PLA2G1B: variants seen among roughly 807,000 people sequenced by gnomAD.
PLA2G1B encodes phospholipase A2 group IB.
Under a neutral mutation model 12.5 loss-of-function variants are expected in PLA2G1B, and 12 were observed. The ratio of observed to expected loss-of-function variants is 0.96; its 90% CI spans 0.62 to 1.56. PLA2G1B has a LOEUF of 1.56. Ranked by LOEUF, PLA2G1B falls within the 40% of genes most tolerant of loss-of-function variation. The probability of loss-of-function intolerance (pLI) is 0.00; values close to 1 mark genes in which losing one functional copy is unlikely to be tolerated. For synonymous variants in PLA2G1B, 81 were observed against 73.4 expected (o/e 1.10, Z -0.53); for missense variants, 189 against 186.7 (o/e 1.01, Z -0.07).
intron 2 of PLA2G1B, 44 bp from the exon 3 acceptor site, chr12:120,325,105 C>CA: frequency 1.2e-6 from 2 of 1,611,508 alleles, no homozygotes; most frequent in Non-Finnish European, 1.7e-6. Flanking sequence ...AAGTGCAGAG[C>CA]AATAGGTCAG....
chr12:120,324,986 C>G lies in PLA2G1B; in HGVS notation c.270G>C (p.Pro90=). Residue 90 remains proline (P), a synonymous_variant, in exon 3 of 4, where the codon CCG becomes CCC. Coordinates refer to ENST00000308366, the MANE Select transcript of PLA2G1B (RefSeq NM_000928.3). The stretch of plus-strand genomic sequence containing the variant: ...ACGAGTATGAATAGGTGTGGGTGTA[C>G]GGGTTGTCCAGCAGAAATTTACAGC... ...LDSCKFLLDN[P]YTHTYSYSCS... 1 of 1,613,938 alleles carries G rather than the reference C, an allele frequency of 6.2e-7. No individual in the cohort carries two copies. Among genetic ancestry groups the G allele is most frequent in the Non-Finnish European group, 8.5e-7 (1 of 1,179,942 alleles).
intron 3 of PLA2G1B, among the ~76,000 whole-genome samples, chr12:120,323,737 G>A (rs540789734): frequency 6.6e-6 from 1 of 152,148 alleles, no homozygotes; most frequent in African/African-American, 2.4e-5. Context: ...AGTGGAGCAG[G>A]AGGATGTATA....
rs567120729 is a variant in PLA2G1B at position 120,324,229 on chromosome 12, C to T, written c.322+705G>A. ...TCAGGAGGCTTAGGCAGGAGAATCGCTTGAACCCGGGAGGCAGAGGTTGCA... is the reference window on the plus strand; with the variant it reads ...TCAGGAGGCTTAGGCAGGAGAATCGTTTGAACCCGGGAGGCAGAGGTTGCA... On this transcript the variant is annotated intron_variant, in intron 3 of 3. Transcript: ENST00000308366. Among the ~76,000 whole-genome samples the T allele has an allele frequency of 9.2e-5, 14 of 152,128 alleles. No individual in the cohort carries two copies. The East Asian group carries it at 9.6e-4, about 10-fold the overall frequency.
At chr12:120,327,303 A>G (rs1224641505) in intron 1 of PLA2G1B, among the ~76,000 whole-genome samples, 1 of 152,050 alleles carries the variant, frequency 6.6e-6, no homozygotes, top group African/African-American at 2.4e-5. Flanking sequence ...CAAAAATAAA[A>G]TAAAGTAAAA....
chr12:120,323,802 A>G (rs1873284133), intron 3 of PLA2G1B, among the ~76,000 whole-genome samples: 1 of 152,208 alleles, frequency 6.6e-6, no homozygotes, highest in South Asian at 2.1e-4. Flanking sequence ...AAAAAACAGT[A>G]ACAATAAAGG....
chr12:120,326,015 C>A lies in PLA2G1B; in HGVS notation c.40G>T (p.Ala14Ser). The A allele has an allele frequency of 6.2e-7, 1 of 1,613,736 alleles. No individual in the cohort carries two copies. The highest frequency in any genetic ancestry group is 1.1e-5 in the South Asian group (1 of 91,066). Reference protein sequence around the residue: ...LVLAVLLTVAAADSGISPRAV... With the variant: ...LVLAVLLTVASADSGISPRAV... ...CGAGGGCTGATGCCGCTGTCGGCGGCGGCCACTGCAAGAAGACATAGCCAG... is the reference window on the plus strand; with the variant it reads ...CGAGGGCTGATGCCGCTGTCGGCGGAGGCCACTGCAAGAAGACATAGCCAG... Residue 14 changes from alanine to serine, a missense_variant, in exon 2 of 4, where the codon GCC (alanine) becomes TCC (serine). Coordinates refer to ENST00000308366, the MANE Select transcript of PLA2G1B (RefSeq NM_000928.3).
chr12:120,322,846 C>T (rs1186715071), intron 3 of PLA2G1B, among the ~76,000 whole-genome samples: 1 of 152,096 alleles, frequency 6.6e-6, no homozygotes, highest in East Asian at 1.9e-4. Flanking sequence ...CTCGGCCTCC[C>T]AAAGTGCTGG....
chr12:120,327,372 G>A (rs1382143999), intron 1 of PLA2G1B, among the ~76,000 whole-genome samples: 1 of 152,164 alleles, frequency 6.6e-6, no homozygotes, highest in African/African-American at 2.4e-5. Context: ...CTACTTAGTT[G>A]AGTAAGGTGG....
rs755370426 is a variant in PLA2G1B at position 120,325,986 on chromosome 12, G to A, written c.69C>T (p.Ala23=). The A allele has an allele frequency of 5.6e-6, 9 of 1,614,042 alleles. No homozygotes were observed. The East Asian group carries it at 1.1e-4, about 20-fold the overall frequency. Residue 23 remains alanine, a synonymous_variant, in exon 2 of 4, where the codon GCC becomes GCT. Coordinates refer to ENST00000308366, the MANE Select transcript of PLA2G1B (RefSeq NM_000928.3). ...AAADSGISPR[A]VWQFRKMIKC... is the part of the protein sequence containing the mutation. Reference sequence around the variant, plus strand: ...TGATCATTTTGCGGAACTGCCACACGGCCCGAGGGCTGATGCCGCTGTCGG... The same window carrying A: ...TGATCATTTTGCGGAACTGCCACACAGCCCGAGGGCTGATGCCGCTGTCGG...
At chr12:120,325,717 A>G (rs940230082) in intron 2 of PLA2G1B, 144 bp downstream of exon 2, 3 of 780,958 alleles carry the variant, frequency 3.8e-6, no homozygotes, top group East Asian at 2.7e-5. Flanking sequence ...CTCTTGGAAC[A>G]TATTTGTTTA....
At chr12:120,322,425 C>G in intron 3 of PLA2G1B, 108 bp from the exon 4 acceptor site, 1 of 973,446 alleles carries the variant, frequency 1.0e-6, no homozygotes, top group Non-Finnish European at 1.5e-6. Context: ...CACTGATGCA[C>G]ATTTAGGGCT....
intron 3 of PLA2G1B, among the ~76,000 whole-genome samples, chr12:120,323,668 G>A (rs1407693758): frequency 2.0e-5 from 3 of 152,058 alleles, no homozygotes; most frequent in African/African-American, 7.2e-5. Context: ...GTGTGTGTGT[G>A]TATTTCTCTG....
rs774536925 is a variant in PLA2G1B, at chr12:120,327,737, AGCACAAGGAGTTTCATCTT to A, written c.-3_16del. The stretch of plus-strand genomic sequence containing the variant: ...TTGCCTACCTGTGAGCAGCACAGCT[AGCACAAGGAGTTTCATCTT>A]GCAGTCAAGGTGAGAAAAGAACTGA... On this transcript the variant is annotated start_lost and 5_prime_UTR_variant, in exon 1 of 4. Coordinates refer to ENST00000308366, the MANE Select transcript of PLA2G1B (RefSeq NM_000928.3). 17 of 1,614,096 alleles carry A rather than the reference AGCACAAGGAGTTTCATCTT, an allele frequency of 1.1e-5. No individual in the cohort carries two copies. Among genetic ancestry groups the A allele is most frequent in the Non-Finnish European group, 1.3e-5 (15 of 1,179,948 alleles).
In PLA2G1B at chr12:120,322,211, C is replaced by A. The variant is rs373127940; in HGVS notation, c.429G>T (p.Lys143Asn). The A allele has an allele frequency of 6.2e-6, 10 of 1,614,088 alleles. No homozygotes were observed. Among genetic ancestry groups the A allele is most frequent in the Non-Finnish European group, 8.5e-6 (10 of 1,179,972 alleles). ...YNKAHKNLDTKKYCQS is the reference protein window; with the variant it reads ...YNKAHKNLDTNKYCQS ...GTGATATTCAACTCTGACAATACTT[C>A]TTGGTGTCCAGGTTCTTGTGTGCCT... The change falls in exon 4 of 4, where the codon AAG becomes AAT. Residue 143 changes from lysine to asparagine, a missense_variant. Transcript: ENST00000308366.
At chr12:120,322,868 G>A (rs1873265509) in intron 3 of PLA2G1B, among the ~76,000 whole-genome samples, 2 of 152,032 alleles carry the variant, frequency 1.3e-5, no homozygotes, top group African/African-American at 2.4e-5. Context: ...ATACAGGCGT[G>A]AGCCACCATG....
At chr12:120,324,791 C>T (rs1873305120) in intron 3 of PLA2G1B, 143 bp downstream of exon 3, 2 of 791,396 alleles carry the variant, frequency 2.5e-6, no homozygotes, top group Non-Finnish European at 4.3e-6. Flanking sequence ...GTACCTATCC[C>T]ATAGTGTTGT....
chr12:120,322,422 G>T, intron 3 of PLA2G1B, 105 bp from the exon 4 acceptor site: 1 of 1,003,120 alleles, frequency 1.0e-6, no homozygotes, highest in Non-Finnish European at 1.5e-6. Context: ...TTCCACTGAT[G>T]CACATTTAGG....
chr12:120,325,315 C>T (rs995686668), intron 2 of PLA2G1B, among the ~76,000 whole-genome samples: 12 of 151,988 alleles, frequency 7.9e-5, no homozygotes, highest in African/African-American at 4.8e-5. Context: ...ACCTCCAACT[C>T]AGTCTCCCAA....
rs778152358 is a variant in PLA2G1B, at chr12:120,325,029, T to C, written c.227A>G (p.Gln76Arg). Reference protein sequence around the residue: ...CCQTHDNCYDQAKKLDSCKFL... With the variant: ...CCQTHDNCYDRAKKLDSCKFL... ...TTTACAGCTGTCCAGCTTCTTGGCCTGGTCATAGCAGTTGTCATGTGTCTG... is the reference window on the plus strand; with the variant it reads ...TTTACAGCTGTCCAGCTTCTTGGCCCGGTCATAGCAGTTGTCATGTGTCTG... The change falls in exon 3 of 4, where the codon CAG becomes CGG. Residue 76 changes from glutamine to arginine, a missense_variant. Physicochemically the swap from Gln to Arg is conservative, Grantham distance 43 (BLOSUM62 1). Transcript: ENST00000308366. 2.5e-6 allele frequency: 4 copies of C among 1,613,866 alleles called. No homozygotes were observed. In the South Asian group the frequency reaches 3.3e-5, roughly 13 times the overall value.
Sources: allele counts gnomAD v4.1 joint callset (sites outside exome capture counted in the v4.1 genomes callset), GRCh38; gene constraint gnomAD v4.1.1; transcripts MANE v1.5; gene names NCBI Gene and HGNC (gene_info 2026-07-23, HGNC 2026-07-21).